Variants in BLTP1 observed in about 807,000 individuals in gnomAD.
The protein encoded by BLTP1 is fragile site-associated protein.
the BLTP1 span, among the ~76,000 whole-genome samples, chr4:122,214,798 G>A: frequency 6.6e-6 from 1 of 151,588 alleles, no homozygotes; most frequent in Admixed American, 6.6e-5. Context: ...TTTTTGTGGA[G>A]ACAGGGTTTC....
chr4:122,332,132 G>A, the BLTP1 span, among the ~76,000 whole-genome samples: 6 of 151,918 alleles, frequency 3.9e-5, no homozygotes, highest in Non-Finnish European at 8.8e-5. Context: ...TGGAGATGTA[G>A]ATAAAAAGAA....
chr4:122,245,030 G>A, the BLTP1 span: 394 of 1,608,286 alleles, frequency 2.4e-4, no homozygotes, highest in Non-Finnish European at 3.2e-4. Context: ...ATATATTGAA[G>A]CAATGGTTCA....
the BLTP1 span, among the ~76,000 whole-genome samples, chr4:122,181,947 A>C: frequency 1.3e-5 from 2 of 152,198 alleles, no homozygotes; most frequent in African/African-American, 4.8e-5. Context: ...CAAAAGTAAT[A>C]ATTGATAACA....
the BLTP1 span, chr4:122,229,037 G>A: frequency 8.8e-7 from 1 of 1,142,574 alleles, no homozygotes; most frequent in Non-Finnish European, 1.2e-6. Context: ...TAGATTTTTT[G>A]TGTTTATTTA....
At chr4:122,246,122 G>A in the BLTP1 span, 2 of 1,534,718 alleles carry the variant, frequency 1.3e-6, no homozygotes, top group Non-Finnish European at 8.8e-7. Context: ...TGAAAAGCTT[G>A]TGAAATAATT....
At chr4:122,208,142 A>G in the BLTP1 span, 1 of 971,412 alleles carries the variant, frequency 1.0e-6, no homozygotes, top group Admixed American at 6.2e-5. Flanking sequence ...TTAGCAACAT[A>G]TAGAAACAGC....
At chr4:122,161,979 AC>A in the BLTP1 span, among the ~76,000 whole-genome samples, 2 of 152,234 alleles carry the variant, frequency 1.3e-5, no homozygotes, top group African/African-American at 4.8e-5. Flanking sequence ...TGGGGGAGAT[AC>A]ATTTCTAAAC....
chr4:122,339,115 C>T, the BLTP1 span: 1 of 1,394,736 alleles, frequency 7.2e-7, no homozygotes, highest in Non-Finnish European at 9.7e-7. Flanking sequence ...AAAAATGTTT[C>T]TTAAGTTTAT....
At chr4:122,230,169 C>T in the BLTP1 span, 1 of 1,613,930 alleles carries the variant, frequency 6.2e-7, no homozygotes, top group Non-Finnish European at 8.5e-7. Flanking sequence ...AAACATGAGG[C>T]ACAAAGACAT....
chr4:122,166,455 CA>C, the BLTP1 span, among the ~76,000 whole-genome samples: 69 of 152,256 alleles, frequency 4.5e-4, no homozygotes, highest in African/African-American at 1.6e-3. Context: ...GTACCAGTAC[CA>C]TGCTGTTTTG....
the BLTP1 span, chr4:122,356,420 C>A: frequency 5.2e-6 from 1 of 193,004 alleles, no homozygotes; most frequent in Non-Finnish European, 9.5e-6. Context: ...GACATCTGAT[C>A]CCAAGCATAA....
At chr4:122,296,228 A>G in the BLTP1 span, among the ~76,000 whole-genome samples, 1 of 152,230 alleles carries the variant, frequency 6.6e-6, no homozygotes, top group African/African-American at 2.4e-5. Flanking sequence ...ACTTCAGCAA[A>G]GTTGTGCAAT....
chr4:122,236,189 T>C, the BLTP1 span, among the ~76,000 whole-genome samples: 1 of 152,184 alleles, frequency 6.6e-6, no homozygotes, highest in Non-Finnish European at 1.5e-5. Flanking sequence ...GTATAGGAGC[T>C]CTTAGAGGAA....
chr4:122,262,428 C>T, the BLTP1 span, among the ~76,000 whole-genome samples: 3 of 151,984 alleles, frequency 2.0e-5, no homozygotes, highest in Admixed American at 6.6e-5. Context: ...ATTTGATATA[C>T]GGTGCTATGT....
the BLTP1 span, chr4:122,221,163 C>A: frequency 2.5e-6 from 1 of 403,990 alleles, no homozygotes; most frequent in Non-Finnish European, 3.3e-6. Context: ...ATCTGACAAC[C>A]AGAAATCATC....
chr4:122,356,462 A>T, the BLTP1 span: 73 of 265,072 alleles, frequency 2.8e-4, no homozygotes, highest in East Asian at 9.0e-3. Flanking sequence ...TGTACTAGGG[A>T]AGTGCTTAAC....
At chr4:122,310,724 G>A in the BLTP1 span, among the ~76,000 whole-genome samples, 1 of 152,154 alleles carries the variant, frequency 6.6e-6, no homozygotes, top group Non-Finnish European at 1.5e-5. Flanking sequence ...TGCATCTGCT[G>A]CTTCTCAAAT....
At chr4:122,187,331 G>A in the BLTP1 span, 6 of 1,516,376 alleles carry the variant, frequency 4.0e-6, no homozygotes, top group Non-Finnish European at 5.3e-6. Context: ...ATTTGGAAAG[G>A]TAAACTGAAA....
the BLTP1 span, among the ~76,000 whole-genome samples, chr4:122,326,539 T>C: frequency 1.8e-4 from 27 of 151,844 alleles, 1 homozygote; most frequent in African/African-American, 5.8e-4. Flanking sequence ...AACTATTTAA[T>C]TGTAATGTAG....
Sources: allele counts gnomAD v4.1 joint callset (sites outside exome capture counted in the v4.1 genomes callset), GRCh38; gene constraint gnomAD v4.1.1; transcripts MANE v1.5; gene names NCBI Gene and HGNC (gene_info 2026-07-23, HGNC 2026-07-21).